TYRO3: variants seen among roughly 807,000 people sequenced by gnomAD.
The protein encoded by TYRO3 is tyrosine-protein kinase receptor TYRO3.
Under a neutral mutation model 95.2 loss-of-function variants are expected in TYRO3, and 38 were observed. The observed-to-expected ratio is 0.40, with a 90% CI of 0.31 to 0.52. The LOEUF (loss-of-function observed/expected upper bound fraction) is 0.52. Ranked by LOEUF, TYRO3 falls within the 20% of genes least tolerant of loss-of-function variation. The probability of loss-of-function intolerance (pLI) is 0.56; values close to 1 mark genes in which losing one functional copy is unlikely to be tolerated. For synonymous variants in TYRO3, 367 were observed against 432.9 expected (o/e 0.85, Z 1.89); for missense variants, 812 against 1,116.4 (o/e 0.73, Z 3.89).
At chr15:41,559,471 G>C (rs2052133175) in intron 1 of TYRO3, 90 bp downstream of exon 1, 1 of 284,964 alleles carries the variant, frequency 3.5e-6, no homozygotes, top group African/African-American at 2.2e-5. Flanking sequence ...TGGCGGGCTG[G>C]AGTCGGGGTG....
intron 7 of TYRO3, 95 bp from the exon 8 acceptor site, chr15:41,568,122 C>A: frequency 6.6e-7 from 1 of 1,519,264 alleles, no homozygotes; most frequent in Non-Finnish European, 9.0e-7. Flanking sequence ...CCTCTCAGAG[C>A]TGTTTAGTTC....
rs779460938 is a variant in TYRO3, at chr15:41,568,380, CCT to C, written c.1107+24_1107+25del. On this transcript the variant is annotated intron_variant, in intron 8 of 18. Transcript: ENST00000263798. ...GAACCCAGGTAAGACAGAACCCTCC[CCT>C]CTCTCCACTCTCCTGGAGTATAAGC... 7 of 1,545,496 alleles carry C rather than the reference CCT, an allele frequency of 4.5e-6. No individual in the cohort carries two copies. The South Asian group carries it at 7.0e-5, about 15-fold the overall frequency.
At chr15:41,573,576 T>G in intron 17 of TYRO3, 103 bp from the exon 18 acceptor site, 2 of 1,413,642 alleles carry the variant, frequency 1.4e-6, no homozygotes, top group Non-Finnish European at 1.9e-6. Context: ...TGCCCCCTGA[T>G]GAGGCCCTGA....
intron 18 of TYRO3, among the ~76,000 whole-genome samples, chr15:41,574,371 T>C (rs1166533600): frequency 1.3e-5 from 2 of 152,172 alleles, no homozygotes; most frequent in African/African-American, 4.8e-5. Context: ...CCACCCACTT[T>C]GCTACAGTGA....
chr15:41,565,842 G>T (rs554632427), intron 6 of TYRO3, among the ~76,000 whole-genome samples: 3 of 152,094 alleles, frequency 2.0e-5, no homozygotes, highest in Non-Finnish European at 2.9e-5. Flanking sequence ...ACCAGAAGGG[G>T]CCCTAAGCCT....
chr15:41,575,742 A>C (rs951099217), intron 18 of TYRO3, among the ~76,000 whole-genome samples: 1 of 151,856 alleles, frequency 6.6e-6, no homozygotes, highest in South Asian at 2.1e-4. Flanking sequence ...TTATTTTTCC[A>C]CCTGAGCCTG....
chr15:41,561,368 C>A, intron 2 of TYRO3, 58 bp downstream of exon 2: 1 of 1,454,804 alleles, frequency 6.9e-7, no homozygotes, highest in Non-Finnish European at 9.3e-7. Flanking sequence ...TATGCTCTTT[C>A]CTTGGGGATT....
intron 18 of TYRO3, among the ~76,000 whole-genome samples, chr15:41,574,200 A>G (rs2055835448): frequency 6.6e-6 from 1 of 152,062 alleles, no homozygotes. Flanking sequence ...TACCCTAGTG[A>G]ATACAACCTT....
chr15:41,571,674 G>C lies in TYRO3; in HGVS notation c.1740G>C (p.Val580=), dbSNP rs1357677792. Residue 580 remains valine, a synonymous_variant, in exon 14 of 19, where the codon GTG becomes GTC. Coordinates refer to ENST00000263798, the MANE Select transcript of TYRO3 (RefSeq NM_006293.4). ...ACMKEFDHPH[V]AKLVGVSLRS... The stretch of plus-strand genomic sequence containing the variant: ...TGAAGGAGTTTGACCATCCACACGT[G>C]GCCAAACTTGTTGGTGAGCCCATTT... 1 of 1,610,614 alleles carries C rather than the reference G, an allele frequency of 6.2e-7. No homozygotes were observed. Among genetic ancestry groups the C allele is most frequent in the Non-Finnish European group, 8.5e-7 (1 of 1,177,072 alleles).
At chr15:41,562,331 CAAAAAA>C (rs11363130) in intron 3 of TYRO3, 97 of 174,172 alleles carry the variant, frequency 5.6e-4, no homozygotes, top group Middle Eastern at 1.8e-3. Flanking sequence ...CGACCAATCT[CAAAAAA>C]AAAAAAAAAA....
intron 13 of TYRO3, 59 bp from the exon 14 acceptor site, chr15:41,571,536 G>A (rs1043273939): frequency 2.8e-5 from 34 of 1,210,856 alleles, no homozygotes; most frequent in African/African-American, 2.2e-4. Flanking sequence ...TAGGAGGCCT[G>A]GGTCAAAACT....
rs778289072 is a variant in TYRO3 at position 41,561,119 on chromosome 15, C to T, written c.125-8C>T. On this transcript the variant is annotated splice_polypyrimidine_tract_variant and splice_region_variant and intron_variant, in intron 1 of 18. Transcript: ENST00000263798. The stretch of plus-strand genomic sequence containing the variant: ...CAAGGCTGACACATGTTCCTTCCCA[C>T]CCCTCAGGTCTGAAGCTCATGGGAG... The T allele has an allele frequency of 1.2e-6, 2 of 1,614,046 alleles. No homozygotes were observed. The highest frequency in any genetic ancestry group is 1.7e-6 in the Non-Finnish European group (2 of 1,179,938).
At position 41,573,774 on chromosome 15, in the gene TYRO3, C is replaced by G. The variant is rs577468248; in HGVS notation, c.2241C>G (p.Gly747=). Residue 747 remains glycine (G), a synonymous_variant, in exon 18 of 19, where the codon GGC becomes GGG. Coordinates refer to ENST00000263798, the MANE Select transcript of TYRO3 (RefSeq NM_006293.4). ...CTGAGATTTACAACTACCTCATTGG[C>G]GGGAACCGCCTGAAACAGCCTCCGG... ...ENAEIYNYLI[G]GNRLKQPPEC... 74 of 1,614,228 alleles carry G rather than the reference C, an allele frequency of 4.6e-5. 2 individuals carry two copies. In the South Asian group the frequency reaches 8.0e-4, roughly 17 times the overall value.
In TYRO3 at chr15:41,573,295, A is replaced by G. The variant is rs2055821439; in HGVS notation, c.1986-13A>G. 2 of 1,377,336 alleles carry G rather than the reference A, an allele frequency of 1.5e-6. No individual in the cohort carries two copies. The highest frequency in any genetic ancestry group is 1.2e-5 in the South Asian group (1 of 83,616). 85.3% of individuals were successfully genotyped at this position (1,377,336 alleles called of 1,614,324 possible). ...GGCAGAAGGCTGACTCTCTCCCTCA[A>G]TGCCCCTTGTAGGCTGGCAGAGGAC... On this transcript the variant is annotated splice_polypyrimidine_tract_variant and intron_variant, in intron 16 of 18. Coordinates refer to ENST00000263798, the MANE Select transcript of TYRO3 (RefSeq NM_006293.4).
chr15:41,571,723 G>A, intron 14 of TYRO3, 36 bp downstream of exon 14: 2 of 946,764 alleles, frequency 2.1e-6, no homozygotes, highest in Non-Finnish European at 3.3e-6. Context: ...ATAGAGAATA[G>A]GGCTAAAAAT....
At position 41,573,381 on chromosome 15, in the gene TYRO3, C is replaced by T. The variant is rs377334532; in HGVS notation, c.2059C>T (p.Arg687Cys). 1.8e-5 allele frequency: 29 copies of T among 1,614,252 alleles called. No individual in the cohort carries two copies. The highest frequency in any genetic ancestry group is 1.6e-4 in the Middle Eastern group (1 of 6,062). The change falls in exon 17 of 19, where the codon CGT (arginine) becomes TGT (cysteine). Residue 687 changes from arginine (R) to cysteine (C), a missense_variant. Coordinates refer to ENST00000263798, the MANE Select transcript of TYRO3 (RefSeq NM_006293.4). ...GAAGATCTACAGTGGGGACTACTAT[C>T]GTCAAGGCTGTGCCTCCAAACTGCC... Reference protein sequence around the residue: ...SRKIYSGDYYRQGCASKLPVK... With the variant: ...SRKIYSGDYYCQGCASKLPVK...
intron 6 of TYRO3, among the ~76,000 whole-genome samples, chr15:41,565,488 AACCTCC>A (rs1272759336): frequency 6.6e-6 from 1 of 151,624 alleles, no homozygotes; most frequent in Non-Finnish European, 1.5e-5. Flanking sequence ...GGCTCACTGC[AACCTCC>A]ACCTCCTGGG....
Position 41,578,146 on chromosome 15 carries a change from G to A in TYRO3, c.2543G>A (p.Arg848Gln), listed in dbSNP as rs746352808. The change falls in exon 19 of 19, where the codon CGG becomes CAG. Residue 848 changes from arginine to glutamine, a missense_variant. Transcript: ENST00000263798. ...GTGGGTGGCACTCCCAGTGACTGTC[G>A]GTACATACTCACCCCCGGAGGGCTG... is the stretch of plus-strand genomic sequence containing the variant. ...GAVGGTPSDC[R>Q]YILTPGGLAE... 1.1e-4 allele frequency: 175 copies of A among 1,613,774 alleles called. No individual in the cohort carries two copies. Among genetic ancestry groups the A allele is most frequent in the Non-Finnish European group, 1.4e-4 (167 of 1,180,032 alleles).
chr15:41,561,090 C>G, intron 1 of TYRO3, 37 bp from the exon 2 acceptor site: 2 of 1,612,716 alleles, frequency 1.2e-6, no homozygotes, highest in South Asian at 1.1e-5. Flanking sequence ...GACAGAGTCC[C>G]TCTCAAGGCT....
Sources: allele counts gnomAD v4.1 joint callset (sites outside exome capture counted in the v4.1 genomes callset), GRCh38; gene constraint gnomAD v4.1.1; transcripts MANE v1.5; gene names NCBI Gene and HGNC (gene_info 2026-07-23, HGNC 2026-07-21).